The following TAFA2 variants were observed in gnomAD, a reference collection of about 807,000 sequenced individuals.
The protein encoded by TAFA2 is chemokine-like protein TAFA-2.
Under a neutral mutation model 18.8 loss-of-function variants are expected in TAFA2, and 7 were observed. That is an observed-to-expected ratio of 0.37 (90% CI 0.21 to 0.70). The LOEUF is 0.70. TAFA2 is among the 30% of genes least tolerant of loss of function. TAFA2 has a pLI of 0.53. For synonymous variants in TAFA2, 60 were observed against 54.2 expected, an observed-to-expected ratio of 1.11 and a Z score of -0.47; for missense variants, 122 against 158.1, an observed-to-expected ratio of 0.77 and a Z score of 1.23.
At chr12:62,152,970 T>C (rs1270098780) in intron 1 of TAFA2, among the ~76,000 whole-genome samples, 5 of 152,156 alleles carry the variant, frequency 3.3e-5, no homozygotes, top group African/African-American at 1.2e-4. Context: ...GGACTCTAAG[T>C]TTCCATGATG....
chr12:62,141,388 G>T (rs188355447), intron 1 of TAFA2, among the ~76,000 whole-genome samples: 29 of 152,230 alleles, frequency 1.9e-4, no homozygotes, highest in African/African-American at 5.8e-4. Context: ...TGCCTCGAAG[G>T]TTCCAGTTCC....
intron 1 of TAFA2, among the ~76,000 whole-genome samples, chr12:62,212,277 T>C (rs1282123669): frequency 6.6e-6 from 1 of 152,202 alleles, no homozygotes; most frequent in African/African-American, 2.4e-5. Flanking sequence ...AACCTTCCTG[T>C]CATTTTAATG....
chr12:61,756,461 A>G (rs1869271939), intron 2 of TAFA2, among the ~76,000 whole-genome samples: 1 of 152,082 alleles, frequency 6.6e-6, no homozygotes, highest in Non-Finnish European at 1.5e-5. Flanking sequence ...GGTTTATATT[A>G]CATTATACAC....
At chr12:62,146,829 C>T (rs557380670) in intron 1 of TAFA2, among the ~76,000 whole-genome samples, 1 of 152,176 alleles carries the variant, frequency 6.6e-6, no homozygotes, top group East Asian at 1.9e-4. Context: ...AAGATATAGC[C>T]TCTAACCTGA....
At chr12:61,787,436 T>C (rs749289906) in intron 2 of TAFA2, among the ~76,000 whole-genome samples, 3 of 151,706 alleles carry the variant, frequency 2.0e-5, no homozygotes. Flanking sequence ...AAAGGTGCTA[T>C]GTAAATCTTT....
chr12:62,137,534 T>A (rs1387457698), intron 1 of TAFA2, among the ~76,000 whole-genome samples: 2 of 152,162 alleles, frequency 1.3e-5, no homozygotes, highest in Non-Finnish European at 2.9e-5. Flanking sequence ...ACCTTCTATT[T>A]CTTCATGGCT....
intron 1 of TAFA2, among the ~76,000 whole-genome samples, chr12:62,093,671 C>T (rs1343673505): frequency 2.6e-5 from 4 of 152,014 alleles, no homozygotes; most frequent in South Asian, 4.1e-4. Context: ...GTGTCATATG[C>T]TCAGAACATT....
chr12:61,732,181 G>A (rs186233095), intron 4 of TAFA2, among the ~76,000 whole-genome samples: 193 of 152,080 alleles, frequency 1.3e-3, no homozygotes, highest in Admixed American at 6.6e-3. Flanking sequence ...CAGTCAAGTG[G>A]GTAGCTGGGA....
chr12:61,906,868 CT>C (rs1419900310), intron 1 of TAFA2, among the ~76,000 whole-genome samples: 4 of 152,194 alleles, frequency 2.6e-5, no homozygotes, highest in African/African-American at 9.7e-5. Context: ...AATTTTGCCC[CT>C]GCTCTAGAGA....
At chr12:61,883,473 G>A (rs1014971214) in intron 1 of TAFA2, among the ~76,000 whole-genome samples, 16 of 152,128 alleles carry the variant, frequency 1.1e-4, no homozygotes, top group Admixed American at 1.0e-3. Flanking sequence ...CTATTACGAA[G>A]TTCTTATTTT....
chr12:62,217,091 C>T (rs929681932), intron 1 of TAFA2, among the ~76,000 whole-genome samples: 1 of 152,182 alleles, frequency 6.6e-6, no homozygotes, highest in Non-Finnish European at 1.5e-5. Flanking sequence ...TCTGGTATTC[C>T]TCTTTGGCTA....
intron 1 of TAFA2, among the ~76,000 whole-genome samples, chr12:61,874,321 T>A (rs1324922682): frequency 1.3e-5 from 2 of 152,116 alleles, no homozygotes; most frequent in Non-Finnish European, 2.9e-5. Context: ...CTGAAACACT[T>A]GTTTTAAAAT....
chr12:61,951,278 A>G (rs1878457516), intron 1 of TAFA2, among the ~76,000 whole-genome samples: 1 of 152,174 alleles, frequency 6.6e-6, no homozygotes. Context: ...TCTTCCCAAG[A>G]AGAGTTAAAT....
chr12:61,816,935 T>C (rs1409409921), intron 2 of TAFA2, among the ~76,000 whole-genome samples: 1 of 151,298 alleles, frequency 6.6e-6, no homozygotes, highest in African/African-American at 2.5e-5. Context: ...TTATTATATA[T>C]ATTGTAATAG....
intron 4 of TAFA2, among the ~76,000 whole-genome samples, chr12:61,711,430 C>T (rs1014253007): frequency 6.6e-6 from 1 of 152,116 alleles, no homozygotes; most frequent in African/African-American, 2.4e-5. Flanking sequence ...AGTTACCTAA[C>T]AGTTCTTTTC....
chr12:61,892,566 G>C (rs1301061490), intron 1 of TAFA2, among the ~76,000 whole-genome samples: 2 of 152,218 alleles, frequency 1.3e-5, no homozygotes, highest in Non-Finnish European at 1.5e-5. Flanking sequence ...GCTGGGCATG[G>C]TGGCTCATGC....
intron 2 of TAFA2, among the ~76,000 whole-genome samples, chr12:61,842,658 T>C (rs963674296): frequency 6.6e-5 from 10 of 152,078 alleles, no homozygotes; most frequent in African/African-American, 1.7e-4. Context: ...ACTTACTCTT[T>C]TAAAAATCTC....
At chr12:62,039,071 T>C (rs1351113964) in intron 1 of TAFA2, among the ~76,000 whole-genome samples, 1 of 152,110 alleles carries the variant, frequency 6.6e-6, no homozygotes, top group Non-Finnish European at 1.5e-5. Flanking sequence ...AGGGACCCAC[T>C]AAAAAATTCT....
At chr12:62,214,937 A>G (rs556934993) in intron 1 of TAFA2, among the ~76,000 whole-genome samples, 1 of 152,258 alleles carries the variant, frequency 6.6e-6, no homozygotes, top group East Asian at 1.9e-4. Context: ...CACTCTAGAG[A>G]TACTATCTTT....
Sources: allele counts gnomAD v4.1 joint callset (sites outside exome capture counted in the v4.1 genomes callset), GRCh38; gene constraint gnomAD v4.1.1; transcripts MANE v1.5; gene names NCBI Gene and HGNC (gene_info 2026-07-23, HGNC 2026-07-21).